The following MRTFB variants were observed in gnomAD, a reference collection of about 807,000 sequenced individuals.
The protein encoded by MRTFB is myocardin related transcription factor B, also known as myocardin-related transcription factor B.
In MRTFB, 29 loss-of-function variants were observed where a neutral mutation model predicts 104.2. That is an observed-to-expected ratio of 0.28 (90% confidence interval 0.21 to 0.38). MRTFB has a LOEUF of 0.38. Ranked by LOEUF, MRTFB falls within the 10% of genes least tolerant of loss-of-function variation. The pLI is 1.00. For missense variants in MRTFB, 1,270 were observed against 1,341.6 expected, an observed-to-expected ratio of 0.95 and a Z score of 0.83; for synonymous variants, 535 against 519.5, an observed-to-expected ratio of 1.03 and a Z score of -0.41.
the MRTFB span, among the ~76,000 whole-genome samples, chr16:13,997,130 A>T: frequency 1.3e-5 from 2 of 152,362 alleles, no homozygotes; most frequent in Middle Eastern, 3.4e-3. Context: ...TGGTGGCTCT[A>T]TCACCACACT....
intron 2 of MRTFB, among the ~76,000 whole-genome samples, chr16:14,119,343 A>G (rs72783487): frequency 0.048 from 7,239 of 152,314 alleles, 434 homozygotes; most frequent in East Asian, 0.29. Context: ...GGTGATTGGC[A>G]CAAGAGTAGG....
At chr16:14,036,964 C>CT in the MRTFB span, among the ~76,000 whole-genome samples, 138,759 of 150,070 alleles carry the variant, frequency 0.92, 64,210 homozygotes, top group East Asian at 0.99. Flanking sequence ...GATCATCTCA[C>CT]TTTTTTTTTT....
chr16:14,234,790 GTC>G (rs945582271), intron 9 of MRTFB, among the ~76,000 whole-genome samples: 7 of 152,008 alleles, frequency 4.6e-5, no homozygotes, highest in Non-Finnish European at 7.4e-5. Context: ...GCAAGACCCT[GTC>G]TCTTTAAAAA....
At chr16:14,194,712 T>C (rs1268694949) in intron 3 of MRTFB, among the ~76,000 whole-genome samples, 2 of 151,834 alleles carry the variant, frequency 1.3e-5, no homozygotes, top group Non-Finnish European at 2.9e-5. Context: ...CTTTTTTTTT[T>C]TTTTTTTTAA....
intron 2 of MRTFB, among the ~76,000 whole-genome samples, chr16:14,103,704 G>A (rs927602334): frequency 2.0e-5 from 3 of 152,036 alleles, no homozygotes; most frequent in Non-Finnish European, 2.9e-5. Flanking sequence ...CCAAGGATTG[G>A]CATAAATTAG....
At chr16:14,130,766 C>T (rs980350256) in intron 2 of MRTFB, among the ~76,000 whole-genome samples, 6 of 151,702 alleles carry the variant, frequency 4.0e-5, no homozygotes, top group Admixed American at 3.9e-4. Context: ...AAGAGCATGG[C>T]GCTGGGGAGG....
chr16:13,999,321 G>A, the MRTFB span, among the ~76,000 whole-genome samples: 1 of 151,660 alleles, frequency 6.6e-6, no homozygotes, highest in Non-Finnish European at 1.5e-5. Flanking sequence ...CTTTCCTTTT[G>A]GGGACAATGC....
At chr16:14,063,088 G>A in the MRTFB span, among the ~76,000 whole-genome samples, 1 of 152,192 alleles carries the variant, frequency 6.6e-6, no homozygotes, top group South Asian at 2.1e-4. Flanking sequence ...AGACAGATAG[G>A]TTACAGATAC....
At chr16:14,051,423 T>C in the MRTFB span, among the ~76,000 whole-genome samples, 3 of 150,828 alleles carry the variant, frequency 2.0e-5, no homozygotes, top group Non-Finnish European at 4.4e-5. Context: ...ACAGATGCAC[T>C]CATACACACC....
chr16:14,147,104 A>C (rs1182106655), intron 3 of MRTFB, among the ~76,000 whole-genome samples: 1 of 152,220 alleles, frequency 6.6e-6, no homozygotes, highest in Non-Finnish European at 1.5e-5. Flanking sequence ...GTAATTCTCA[A>C]GGACATCAAT....
chr16:14,212,468 A>T, intron 5 of MRTFB, 59 bp downstream of exon 5: 3 of 1,500,346 alleles, frequency 2.0e-6, no homozygotes, highest in Non-Finnish European at 2.8e-6. Flanking sequence ...CTCTTCTAAA[A>T]TACCTGTGTA....
rs531753843 is a variant in MRTFB, at chr16:14,140,572, G to A, written c.-35G>A. ...CTTCAATAGGCCGTGTTTAAGAGGC[G>A]TCTTACACTCCCTGTTGCCAGTGGC... On this transcript the variant is annotated 5_prime_UTR_variant, in exon 3 of 17. Coordinates refer to ENST00000571589, the MANE Select transcript of MRTFB (RefSeq NM_001308142.2). 4.7e-5 allele frequency: 76 copies of A among 1,612,790 alleles called. No homozygotes were observed. The highest frequency in any genetic ancestry group is 3.4e-4 in the Middle Eastern group (2 of 5,868).
rs534430661 is a variant in MRTFB, at chr16:14,265,332, C to T, written c.*3888C>T. ...AGAATACCCATACAAATCGTCCCAC[C>T]GCCCTAGAGGCCACAGAATTAGCCC... On this transcript the variant is annotated 3_prime_UTR_variant, in exon 17 of 17. Transcript: ENST00000571589. The T allele has an allele frequency of 5.3e-5, 8 of 152,262 alleles. No individual in the cohort carries two copies. Among genetic ancestry groups the T allele is most frequent in the South Asian group, 2.1e-4 (1 of 4,820 alleles). 9.4% of individuals were successfully genotyped at this position (152,262 alleles called of 1,614,324 possible).
At position 14,121,595 on chromosome 16, in the gene MRTFB, A is replaced by G. The variant is rs551493628; in HGVS notation, c.-63-18949A>G. 2.4e-4 allele frequency among the ~76,000 whole-genome samples: 37 copies of G among 152,336 alleles called. 1 individual carries two copies. In the South Asian group the frequency reaches 7.5e-3, roughly 31 times the overall value. ...CTCTAGTGCTTCTGTGGTGTTTGAAAAGGAAGTATAAAAAGAGTTGCAGAA... is the reference window on the plus strand; with the variant it reads ...CTCTAGTGCTTCTGTGGTGTTTGAAGAGGAAGTATAAAAAGAGTTGCAGAA... On this transcript the variant is annotated intron_variant, in intron 2 of 16. Transcript: ENST00000571589.
intron 8 of MRTFB, among the ~76,000 whole-genome samples, chr16:14,227,628 C>A (rs1245522921): frequency 6.6e-6 from 1 of 152,170 alleles, no homozygotes; most frequent in Non-Finnish European, 1.5e-5. Flanking sequence ...TCTCCTGCCT[C>A]AGCTTCCTGA....
At chr16:14,186,700 C>T in intron 3 of MRTFB, 1 of 1,376,718 alleles carries the variant, frequency 7.3e-7, no homozygotes, top group East Asian at 3.0e-5. Flanking sequence ...GAGTTAAGGG[C>T]TTCCAGCGGC....
At chr16:14,032,495 AC>A in the MRTFB span, among the ~76,000 whole-genome samples, 1 of 152,200 alleles carries the variant, frequency 6.6e-6, no homozygotes, top group Non-Finnish European at 1.5e-5. Flanking sequence ...CCAGAAACGT[AC>A]ATAAATGTTT....
chr16:14,197,124 G>A (rs893069793), intron 3 of MRTFB, among the ~76,000 whole-genome samples: 8 of 151,296 alleles, frequency 5.3e-5, no homozygotes, highest in Admixed American at 2.0e-4. Flanking sequence ...GATTACAATC[G>A]TGCCCCACCA....
At chr16:14,124,828 G>T (rs927482903) in intron 2 of MRTFB, among the ~76,000 whole-genome samples, 1 of 152,154 alleles carries the variant, frequency 6.6e-6, no homozygotes, top group Non-Finnish European at 1.5e-5. Context: ...GAACAGTTTC[G>T]GAAGGAATGT....
Sources: allele counts gnomAD v4.1 joint callset (sites outside exome capture counted in the v4.1 genomes callset), GRCh38; gene constraint gnomAD v4.1.1; transcripts MANE v1.5; gene names NCBI Gene and HGNC (gene_info 2026-07-23, HGNC 2026-07-21).